Variants in NFIA observed in about 807,000 individuals in gnomAD.
NFIA encodes nuclear factor I A.
NFIA carries 8 observed loss-of-function variants against 62.8 expected under a neutral mutation model. The ratio of observed to expected loss-of-function variants is 0.13; its 90% CI spans 0.07 to 0.23. The LOEUF (loss-of-function observed/expected upper bound fraction) is 0.23, where lower values mean the gene tolerates loss of function less well. Ranked by LOEUF, NFIA falls within the 10% of genes least tolerant of loss-of-function variation. NFIA has a pLI of 1.00. For missense variants in NFIA, 410 were observed against 642.1 expected (o/e 0.64, Z 3.91); for synonymous variants, 235 against 238.1 (o/e 0.99, Z 0.12).
intron 3 of NFIA, among the ~76,000 whole-genome samples, chr1:61,278,161 A>G (rs748264919): frequency 1.3e-5 from 2 of 152,182 alleles, no homozygotes; most frequent in Non-Finnish European, 2.9e-5. Context: ...AAATATCTAA[A>G]TTTTCTGTTG....
chr1:61,322,374 T>G (rs1320362247), intron 3 of NFIA, among the ~76,000 whole-genome samples: 1 of 152,212 alleles, frequency 6.6e-6, no homozygotes, highest in African/African-American at 2.4e-5. Flanking sequence ...TCTGTTAATA[T>G]TCCCAGATGA....
chr1:61,189,165 G>C (rs1052560332), intron 2 of NFIA, among the ~76,000 whole-genome samples: 1 of 152,144 alleles, frequency 6.6e-6, no homozygotes, highest in African/African-American at 2.4e-5. Flanking sequence ...CAGTGGTCTT[G>C]GCAGGTCGTG....
At position 61,333,049 on chromosome 1, in the gene NFIA, A is replaced by G. The variant is rs372438394; in HGVS notation, c.700+463A>G. Among the ~76,000 whole-genome samples, 511 of 134,036 alleles carry G rather than the reference A, an allele frequency of 3.8e-3. 5 individuals are homozygous for G. Among genetic ancestry groups the G allele is most frequent in the African/African-American group, 0.017 (483 of 27,616 alleles). The allele number at this position is 134,036 out of a possible 152,430, so 87.9% of individuals were successfully genotyped here. ...TTATGACATAATCTAGCATGCACGC[A>G]CACACACACACACACACATACACAC... On this transcript the variant is annotated intron_variant, in intron 4 of 10. Transcript: ENST00000403491.
intron 2 of NFIA, among the ~76,000 whole-genome samples, chr1:61,212,033 G>A (rs188170183): frequency 2.0e-4 from 30 of 152,256 alleles, no homozygotes; most frequent in African/African-American, 6.5e-4. Flanking sequence ...AGTCTTATGC[G>A]CTTAGGGTGT....
At chr1:61,299,358 C>G (rs1659368941) in intron 3 of NFIA, among the ~76,000 whole-genome samples, 1 of 152,152 alleles carries the variant, frequency 6.6e-6, no homozygotes, top group Non-Finnish European at 1.5e-5. Flanking sequence ...CTGGGTCTGT[C>G]TTAGGCTATA....
At chr1:61,331,953 TTTA>T in intron 3 of NFIA, among the ~76,000 whole-genome samples, 1 of 152,136 alleles carries the variant, frequency 6.6e-6, no homozygotes, top group Non-Finnish European at 1.5e-5. Context: ...AATCTGAATT[TTTA>T]TTTGTGCTCA....
intron 2 of NFIA, among the ~76,000 whole-genome samples, chr1:61,270,629 A>C (rs1357395120): frequency 6.6e-6 from 1 of 152,244 alleles, no homozygotes; most frequent in Non-Finnish European, 1.5e-5. Context: ...TGGCTGTATG[A>C]GTAATCTTCA....
chr1:61,431,461 G>C (rs1262396731), intron 10 of NFIA, among the ~76,000 whole-genome samples: 1 of 152,184 alleles, frequency 6.6e-6, no homozygotes, highest in Non-Finnish European at 1.5e-5. Context: ...ATCTATCACT[G>C]TTTTGCATCA....
chr1:61,355,862 A>T (rs1317016115), intron 5 of NFIA, among the ~76,000 whole-genome samples: 1 of 152,178 alleles, frequency 6.6e-6, no homozygotes, highest in African/African-American at 2.4e-5. Context: ...TGTTGGAATT[A>T]TAGGTGTGAG....
chr1:61,105,215 T>C (rs1170906042), intron 2 of NFIA, among the ~76,000 whole-genome samples: 4 of 151,990 alleles, frequency 2.6e-5, no homozygotes, highest in African/African-American at 9.7e-5. Context: ...GTATTAAGAA[T>C]CTCATGAAGG....
rs965250949 is a variant in NFIA at position 61,461,700 on chromosome 1, C to T, written c.*6380C>T. 6.6e-6 allele frequency: 1 copy of T among 152,212 alleles called. No individual in the cohort carries two copies. Among genetic ancestry groups the T allele is most frequent in the Non-Finnish European group, 1.5e-5 (1 of 68,046 alleles). 9.4% of individuals were successfully genotyped at this position (152,212 alleles called of 1,614,324 possible). On this transcript the variant is annotated 3_prime_UTR_variant, in exon 11 of 11. Transcript: ENST00000403491. ...GTATCCTGAGTTTTACATGTAGATG[C>T]ATTCGCCTATTTGATTCAGAAAAAT...
At chr1:61,083,000 A>G (rs1160292129) in intron 1 of NFIA, among the ~76,000 whole-genome samples, 182 bp downstream of exon 1, 33 of 96,470 alleles carry the variant, frequency 3.4e-4, no homozygotes, top group African/African-American at 5.8e-4. Flanking sequence ...GGGGGGGGGG[A>G]TCCCGCTTAA....
At chr1:61,205,157 G>C (rs1652813120) in intron 2 of NFIA, among the ~76,000 whole-genome samples, 1 of 152,182 alleles carries the variant, frequency 6.6e-6, no homozygotes. Flanking sequence ...CAAAGAAGTG[G>C]ATCAGTTTAT....
chr1:61,228,189 C>T (rs1419647832), intron 2 of NFIA, among the ~76,000 whole-genome samples: 4 of 152,110 alleles, frequency 2.6e-5, no homozygotes, highest in Non-Finnish European at 4.4e-5. Flanking sequence ...AATTGTCAGT[C>T]ATTTCAGGAA....
chr1:61,085,986 C>T (rs1382724683), intron 1 of NFIA, among the ~76,000 whole-genome samples: 1 of 151,984 alleles, frequency 6.6e-6, no homozygotes, highest in Non-Finnish European at 1.5e-5. Context: ...CTTAAAATGC[C>T]ATATTAGAAT....
At chr1:61,371,056 T>C (rs1223415905) in intron 6 of NFIA, among the ~76,000 whole-genome samples, 1 of 152,176 alleles carries the variant, frequency 6.6e-6, no homozygotes, top group African/African-American at 2.4e-5. Context: ...GGATTACTTA[T>C]GACTTAATGC....
chr1:61,283,581 CAAAAAA>C (rs576613886), intron 3 of NFIA, among the ~76,000 whole-genome samples: 8 of 36,694 alleles, frequency 2.2e-4, no homozygotes, highest in East Asian at 9.2e-4. Flanking sequence ...GACTCTGTCT[CAAAAAA>C]AAAAAAAAAA....
At chr1:61,104,755 A>G (rs1050715025) in intron 2 of NFIA, among the ~76,000 whole-genome samples, 6 of 152,064 alleles carry the variant, frequency 3.9e-5, no homozygotes, top group Non-Finnish European at 7.4e-5. Context: ...GACAGAATAT[A>G]TATTTCTTTT....
chr1:61,392,699 CCGTAGTGG>C, intron 7 of NFIA, among the ~76,000 whole-genome samples: 1 of 152,204 alleles, frequency 6.6e-6, no homozygotes, highest in Middle Eastern at 3.2e-3. Context: ...GAGAGCTCTT[CCGTAGTGG>C]AATCATGTTA....
Sources: allele counts gnomAD v4.1 joint callset (sites outside exome capture counted in the v4.1 genomes callset), GRCh38; gene constraint gnomAD v4.1.1; transcripts MANE v1.5; gene names NCBI Gene and HGNC (gene_info 2026-07-23, HGNC 2026-07-21).